Variants in ZNF827 observed in about 807,000 individuals in gnomAD.
The protein encoded by ZNF827 is zinc finger protein 827.
A neutral mutation model predicts 102.4 loss-of-function variants in ZNF827; 13 were observed. The observed-to-expected ratio is 0.13, with a 90% CI of 0.08 to 0.20. The LOEUF is 0.20. Ranked by LOEUF, ZNF827 falls within the 10% of genes least tolerant of loss-of-function variation. ZNF827 has a pLI of 1.00. For missense variants in ZNF827, 1,103 were observed against 1,344.4 expected (o/e 0.82, Z 2.81); for synonymous variants, 523 against 536.2 (o/e 0.98, Z 0.34).
At chr4:145,876,409 A>C (rs1749158038) in intron 4 of ZNF827, 2 of 152,332 alleles carry the variant, frequency 1.3e-5, no homozygotes, top group South Asian at 4.1e-4. Flanking sequence ...ACCTGCCTTA[A>C]ATTAAATGCA....
At chr4:145,870,136 T>C (rs1748550174) in intron 5 of ZNF827, 109 bp downstream of exon 5, 1 of 1,012,992 alleles carries the variant, frequency 9.9e-7, no homozygotes, top group African/African-American at 1.6e-5. Flanking sequence ...TTCACAGCAA[T>C]AATGCGATAT....
At chr4:145,826,912 A>T (rs1043483651) in intron 7 of ZNF827, among the ~76,000 whole-genome samples, 3 of 151,992 alleles carry the variant, frequency 2.0e-5, no homozygotes, top group African/African-American at 7.2e-5. Flanking sequence ...ACGCCCGACT[A>T]ATTTTTGTAT....
intron 3 of ZNF827, among the ~76,000 whole-genome samples, chr4:145,890,081 G>A (rs1362006220): frequency 1.3e-5 from 2 of 151,846 alleles, no homozygotes; most frequent in Non-Finnish European, 2.9e-5. Flanking sequence ...ATATTTCCAG[G>A]TAGACTAGAT....
At chr4:145,823,247 CATTTT>C (rs1479085374) in intron 8 of ZNF827, among the ~76,000 whole-genome samples, 170 bp downstream of exon 8, 1 of 152,212 alleles carries the variant, frequency 6.6e-6, no homozygotes, top group African/African-American at 2.4e-5. Flanking sequence ...TTACTGTAAA[CATTTT>C]ATTTTAATAA....
intron 5 of ZNF827, among the ~76,000 whole-genome samples, chr4:145,855,898 T>C (rs1469274532): frequency 6.6e-6 from 1 of 152,178 alleles, no homozygotes; most frequent in Non-Finnish European, 1.5e-5. Flanking sequence ...ACCCAATGCT[T>C]AGATGCTGAA....
chr4:145,844,639 C>T (rs1745742793), intron 7 of ZNF827, among the ~76,000 whole-genome samples: 1 of 150,820 alleles, frequency 6.6e-6, no homozygotes, highest in Non-Finnish European at 1.5e-5. Flanking sequence ...AAAACTGGGC[C>T]ACTGCACTCC....
At chr4:145,899,932 A>G (rs900853215) in intron 2 of ZNF827, among the ~76,000 whole-genome samples, 3 of 152,202 alleles carry the variant, frequency 2.0e-5, no homozygotes, top group African/African-American at 7.2e-5. Flanking sequence ...TATAATAAAT[A>G]TAGTAAAAAG....
intron 4 of ZNF827, among the ~76,000 whole-genome samples, chr4:145,878,636 A>G (rs926629108): frequency 6.7e-6 from 1 of 149,462 alleles, no homozygotes; most frequent in African/African-American, 2.5e-5. Flanking sequence ...AAAGGAAAGG[A>G]AAGGAAAGGA....
chr4:145,936,390 G>A (rs750984777), intron 1 of ZNF827, among the ~76,000 whole-genome samples: 1 of 151,926 alleles, frequency 6.6e-6, no homozygotes, highest in Non-Finnish European at 1.5e-5. Flanking sequence ...TTACATATGT[G>A]ATATTATCCT....
intron 5 of ZNF827, among the ~76,000 whole-genome samples, chr4:145,850,742 C>T (rs1746448035): frequency 6.6e-6 from 1 of 152,146 alleles, no homozygotes; most frequent in African/African-American, 2.4e-5. Context: ...GTACTCAGCA[C>T]ACTGGGAAAC....
At chr4:145,887,668 C>T (rs1301698248) in intron 3 of ZNF827, among the ~76,000 whole-genome samples, 1 of 152,160 alleles carries the variant, frequency 6.6e-6, no homozygotes, top group Non-Finnish European at 1.5e-5. Flanking sequence ...TTAACATCAC[C>T]CCTTTCTGTT....
intron 8 of ZNF827, among the ~76,000 whole-genome samples, chr4:145,780,428 C>G (rs1003205111): frequency 7.9e-5 from 12 of 152,168 alleles, no homozygotes; most frequent in African/African-American, 2.9e-4. Context: ...AAGAATGAAC[C>G]AGAATTTCCC....
rs1746306401 is a variant in ZNF827 at position 145,849,423 on chromosome 4, G to C, written c.2120C>G (p.Pro707Arg). 1.2e-6 allele frequency: 2 copies of C among 1,613,982 alleles called. No individual in the cohort carries two copies. Among genetic ancestry groups the C allele is most frequent in the Admixed American group, 1.7e-5 (1 of 59,990 alleles). The change falls in exon 6 of 15, where the codon CCC becomes CGC. Residue 707 changes from proline to arginine, a missense_variant. Coordinates refer to ENST00000508784, the MANE Select transcript of ZNF827 (RefSeq NM_001306215.2). ...STLIGREKTE[P>R]LQKMPEGRVP... is the part of the protein sequence containing the mutation. Reference sequence around the variant, plus strand: ...TCTGCCCTCTGGCATCTTCTGTAAGGGTTCGGTTTTCTCTCGCCCGATTAA... The same window carrying C: ...TCTGCCCTCTGGCATCTTCTGTAAGCGTTCGGTTTTCTCTCGCCCGATTAA...
chr4:145,848,990 T>TA (rs1369626671), intron 6 of ZNF827, among the ~76,000 whole-genome samples: 5 of 151,910 alleles, frequency 3.3e-5, no homozygotes, highest in South Asian at 2.1e-4. Context: ...TTTTGCACAT[T>TA]AAAAAAAAGC....
chr4:145,872,586 A>G (rs926857280), intron 4 of ZNF827, among the ~76,000 whole-genome samples: 8 of 152,302 alleles, frequency 5.3e-5, no homozygotes, highest in African/African-American at 1.9e-4. Flanking sequence ...TATTATGTTA[A>G]CAATTTATGG....
chr4:145,881,855 G>A lies in ZNF827; in HGVS notation c.1747+3823C>T, dbSNP rs552928739. Among the ~76,000 whole-genome samples the A allele has an allele frequency of 4.9e-4, 74 of 152,288 alleles. 1 individual carries two copies. The South Asian group carries it at 0.015, about 31-fold the overall frequency. ...GAACAAAACTGCACTGATGAAAACC[G>A]TAGCTGTACCAAAAAATACTGTACC... On this transcript the variant is annotated intron_variant, in intron 4 of 14. Coordinates refer to ENST00000508784, the MANE Select transcript of ZNF827 (RefSeq NM_001306215.2).
intron 1 of ZNF827, among the ~76,000 whole-genome samples, chr4:145,928,978 A>G (rs1219480704): frequency 6.6e-6 from 1 of 152,228 alleles, no homozygotes; most frequent in Non-Finnish European, 1.5e-5. Context: ...AGGTGGGCCC[A>G]GTGCGAGTGA....
intron 8 of ZNF827, among the ~76,000 whole-genome samples, chr4:145,809,957 G>A (rs1741848515): frequency 6.6e-6 from 1 of 152,178 alleles, no homozygotes; most frequent in African/African-American, 2.4e-5. Context: ...CAATAACAGG[G>A]TCTCAGTGAA....
intron 1 of ZNF827, among the ~76,000 whole-genome samples, chr4:145,909,504 G>T (rs1752115106): frequency 1.3e-5 from 2 of 152,188 alleles, no homozygotes; most frequent in East Asian, 3.9e-4. Context: ...CACTCTCAAT[G>T]ACTTCCCACT....
Sources: gnomAD v4.1 joint callset for allele counts (sites outside exome capture counted in the v4.1 genomes callset) on GRCh38, gnomAD v4.1.1 for gene constraint, MANE v1.5 for transcripts, NCBI Gene and HGNC (gene_info 2026-07-23, HGNC 2026-07-21) for gene names.